TMPRSS11D: variants seen among roughly 807,000 people sequenced by gnomAD.
The protein encoded by TMPRSS11D is transmembrane serine protease 11D.
A neutral mutation model predicts 44.4 loss-of-function variants in TMPRSS11D; 32 were observed. The ratio of observed to expected loss-of-function variants is 0.72; its 90% CI spans 0.54 to 0.97. The LOEUF is 0.97. TMPRSS11D is among the 50% of genes least tolerant of loss of function. TMPRSS11D has a pLI of 0.00. For missense variants in TMPRSS11D, 446 were observed against 502.6 expected, an observed-to-expected ratio of 0.89 and a Z score of 1.08; for synonymous variants, 179 against 177.9, an observed-to-expected ratio of 1.01 and a Z score of -0.05.
chr4:67,835,408 T>C (rs182505226), intron 5 of TMPRSS11D, among the ~76,000 whole-genome samples: 7 of 152,294 alleles, frequency 4.6e-5, no homozygotes, highest in African/African-American at 1.7e-4. Context: ...GATATCTCTT[T>C]TTTCAAGTTA....
intron 1 of TMPRSS11D, among the ~76,000 whole-genome samples, chr4:67,868,834 C>T (rs77638852): frequency 0.031 from 4,666 of 152,166 alleles, 237 homozygotes; most frequent in African/African-American, 0.11. Context: ...CAGGAGGTCT[C>T]ATTGTGCAGA....
Position 67,842,581 on chromosome 4 carries a change from G to A in TMPRSS11D, c.294C>T (p.Ile98=), listed in dbSNP as rs761540805. 6.2e-7 allele frequency: 1 copy of A among 1,608,054 alleles called. No homozygotes were observed. Among genetic ancestry groups the A allele is most frequent in the African/African-American group, 1.3e-5 (1 of 74,352 alleles). ...ACCTCAGTTTGGCAACATGAGCTCT[G>A]ATGAACTGATTTCTTAAATTTGATT... ...FKESNLRNQF[I]RAHVAKLRQD... is the part of the protein sequence containing the mutation. The change falls in exon 4 of 10, where the codon ATC becomes ATT. Residue 98 remains isoleucine (I), a synonymous_variant. Transcript: ENST00000283916.
chr4:67,854,310 G>A (rs541417145), intron 2 of TMPRSS11D, 124 bp from the exon 3 acceptor site: 2 of 531,802 alleles, frequency 3.8e-6, no homozygotes, highest in South Asian at 2.6e-5. Flanking sequence ...GAAAGAAAAA[G>A]TTCTATGCTT....
rs1718044525 is a variant in TMPRSS11D at position 67,835,098 on chromosome 4, T to A, written c.499A>T (p.Asn167Tyr). 6.2e-7 allele frequency: 1 copy of A among 1,612,486 alleles called. No homozygotes were observed. The highest frequency in any genetic ancestry group is 8.5e-7 in the Non-Finnish European group (1 of 1,178,906). ...ITSLTDQAAA[N>Y]WLINECGAGP... The stretch of plus-strand genomic sequence containing the variant: ...TAAAACTTACCATTAATAAGCCAAT[T>A]TGCTGCAGCCTGGTCAGTAAGTGCT... Residue 167 changes from asparagine to tyrosine, a missense_variant, in exon 6 of 10, where the codon AAT becomes TAT. Coordinates refer to ENST00000283916, the MANE Select transcript of TMPRSS11D (RefSeq NM_004262.3).
intron 1 of TMPRSS11D, among the ~76,000 whole-genome samples, chr4:67,866,197 A>AG (rs1348060897): frequency 6.6e-6 from 1 of 151,992 alleles, no homozygotes; most frequent in Non-Finnish European, 1.5e-5. Context: ...TTCAACATAC[A>AG]CAAATTGATA....
chr4:67,825,180 A>G (rs892613100), intron 9 of TMPRSS11D, among the ~76,000 whole-genome samples: 1 of 151,922 alleles, frequency 6.6e-6, no homozygotes, highest in Admixed American at 6.6e-5. Flanking sequence ...CAAGGAGTCC[A>G]TGAATTATTA....
intron 9 of TMPRSS11D, among the ~76,000 whole-genome samples, 197 bp from the exon 10 acceptor site, chr4:67,822,695 A>AT: frequency 6.6e-6 from 1 of 152,322 alleles, no homozygotes; most frequent in East Asian, 1.9e-4. Flanking sequence ...TCCTTCAGCA[A>AT]GTCTGAGAAG....
At chr4:67,881,598 A>G (rs781340321) in intron 1 of TMPRSS11D, among the ~76,000 whole-genome samples, 3 of 152,184 alleles carry the variant, frequency 2.0e-5, no homozygotes, top group Admixed American at 6.6e-5. Context: ...AATTTTAAGC[A>G]TGTTTTTCTG....
rs531633477 is a variant in TMPRSS11D at position 67,883,927 on chromosome 4, T to C, written c.7A>G (p.Arg3Gly). Residue 3 changes from arginine to glycine, a missense_variant and splice_region_variant, in exon 1 of 10, where the codon AGG becomes GGG. Coordinates refer to ENST00000283916, the MANE Select transcript of TMPRSS11D (RefSeq NM_004262.3). ...TACAAAGACAAAAACAGGACTTACC[T>C]ATACATTTTAATCCTTAATGAAGAG... MY[R>G]PARVTSTSRF... The C allele has an allele frequency of 7.6e-4, 1,215 of 1,602,280 alleles. 27 individuals carry two copies. In the South Asian group the frequency reaches 0.013, roughly 17 times the overall value.
rs150521079 is a variant in TMPRSS11D at position 67,867,509 on chromosome 4, C to G, written c.9-7831G>C. Among the ~76,000 whole-genome samples the G allele has an allele frequency of 5.2e-3, 788 of 152,178 alleles. 7 individuals carry two copies. The highest frequency in any genetic ancestry group is 0.018 in the African/African-American group (744 of 41,518). Reference sequence around the variant, plus strand: ...TTACTTAAACTAAAAAGCTTCTGCACAGCAAAAGAAATAATCAGCAGAGTG... The same window carrying G: ...TTACTTAAACTAAAAAGCTTCTGCAGAGCAAAAGAAATAATCAGCAGAGTG... On this transcript the variant is annotated intron_variant, in intron 1 of 9. Transcript: ENST00000283916.
At chr4:67,850,958 G>T (rs1718493205) in intron 3 of TMPRSS11D, among the ~76,000 whole-genome samples, 1 of 152,160 alleles carries the variant, frequency 6.6e-6, no homozygotes, top group Admixed American at 6.5e-5. Context: ...CCATGTGGCA[G>T]GTGAGGAAAA....
At chr4:67,865,387 A>G (rs1353849288) in intron 1 of TMPRSS11D, among the ~76,000 whole-genome samples, 2 of 151,750 alleles carry the variant, frequency 1.3e-5, no homozygotes, top group East Asian at 3.9e-4. Context: ...AGGGAATTTT[A>G]TATCATTAAA....
chr4:67,822,293 G>A lies in TMPRSS11D; in HGVS notation c.*44C>T, dbSNP rs1717661183. 6.3e-7 allele frequency: 1 copy of A among 1,585,680 alleles called. No individual in the cohort carries two copies. Among genetic ancestry groups the A allele is most frequent in the Non-Finnish European group, 8.6e-7 (1 of 1,159,388 alleles). ...TGTAAAGCTTTGGAATTTAAGACAG[G>A]CACACCTGCATACAGACTTTGCAAC... On this transcript the variant is annotated 3_prime_UTR_variant, in exon 10 of 10. Coordinates refer to ENST00000283916, the MANE Select transcript of TMPRSS11D (RefSeq NM_004262.3).
chr4:67,862,551 C>G (rs928414831), intron 1 of TMPRSS11D, among the ~76,000 whole-genome samples: 2 of 152,096 alleles, frequency 1.3e-5, no homozygotes, highest in African/African-American at 4.8e-5. Flanking sequence ...TCTCTTTGAA[C>G]TGCACATCAT....
At chr4:67,845,486 T>C (rs1718336759) in intron 3 of TMPRSS11D, among the ~76,000 whole-genome samples, 1 of 152,296 alleles carries the variant, frequency 6.6e-6, no homozygotes, top group African/African-American at 2.4e-5. Flanking sequence ...TTAACGTGTA[T>C]TAAAATGATT....
intron 4 of TMPRSS11D, among the ~76,000 whole-genome samples, chr4:67,841,757 T>A (rs1302331009): frequency 6.6e-6 from 1 of 152,196 alleles, no homozygotes; most frequent in African/African-American, 2.4e-5. Flanking sequence ...TCATGGACTC[T>A]TCTTATCCCT....
intron 9 of TMPRSS11D, 104 bp downstream of exon 9, chr4:67,825,628 T>C (rs1355052086): frequency 3.3e-6 from 4 of 1,228,980 alleles, no homozygotes; most frequent in South Asian, 1.9e-5. Context: ...GGAACAGGGC[T>C]GTGTATTGTA....
intron 7 of TMPRSS11D, among the ~76,000 whole-genome samples, chr4:67,831,432 G>A (rs1263137197): frequency 6.6e-6 from 1 of 152,118 alleles, no homozygotes; most frequent in Non-Finnish European, 1.5e-5. Context: ...ATAGAAGGAT[G>A]TGGGGTGGCA....
At chr4:67,851,076 C>T (rs564834772) in intron 3 of TMPRSS11D, among the ~76,000 whole-genome samples, 3 of 152,208 alleles carry the variant, frequency 2.0e-5, no homozygotes, top group Non-Finnish European at 4.4e-5. Flanking sequence ...CCTTTGTACA[C>T]AGACTGAGAA....
Sources: allele counts gnomAD v4.1 joint callset (sites outside exome capture counted in the v4.1 genomes callset), GRCh38; gene constraint gnomAD v4.1.1; transcripts MANE v1.5; gene names NCBI Gene and HGNC (gene_info 2026-07-23, HGNC 2026-07-21).